Variants in SPDYE21 observed in about 807,000 individuals in gnomAD.
The protein encoded by SPDYE21 is speedy/RINGO cell cycle regulator family member E21, also known as speedy protein E21.
SPDYE21 carries 14 observed loss-of-function variants against 36.2 expected under a neutral mutation model. That is an observed-to-expected ratio of 0.39 (90% confidence interval 0.26 to 0.61). The LOEUF (loss-of-function observed/expected upper bound fraction) is 0.61. SPDYE21 is among the 20% of genes least tolerant of loss of function. The pLI is 0.55. For synonymous variants in SPDYE21, 58 were observed against 155.1 expected (o/e 0.37, Z 4.65); for missense variants, 233 against 424.6 (o/e 0.55, Z 3.97).
rs199949880 is a variant in SPDYE21, at chr7:67,278,841, A to G, written c.128A>G (p.Glu43Gly). 0.062 allele frequency among the ~76,000 whole-genome samples: 9,418 copies of G among 151,314 alleles called. 359 individuals carry two copies. Among genetic ancestry groups the G allele is most frequent in the Admixed American group, 0.088 (1,342 of 15,164 alleles). ...AGCACCTCGGGGTACCCCCTCCAGG[A>G]GGTGGTGGATGATGAAGTGTTGGGA... is the stretch of plus-strand genomic sequence containing the variant. ...QRSTSGYPLQ[E>G]VVDDEVLGPS... Residue 43 changes from glutamate to glycine, a missense_variant, in exon 2 of 9, where the codon GAG becomes GGG. This residue lies in a region of SPDYE21 where 68 missense variants were observed against 87.6 expected (regional missense o/e 0.78). Coordinates refer to ENST00000424157, the MANE Select transcript of SPDYE21 (RefSeq NM_001382715.2).
rs1802725023 is a variant in SPDYE21, at chr7:67,286,041, C to T, written c.756-3C>T. ...TGAGCAGCAACCTGATTTCTATCCT[C>T]AGCTACCTGGCCAATGACATGGAGG... On this transcript the variant is annotated splice_polypyrimidine_tract_variant and splice_region_variant and intron_variant, in intron 6 of 8. Coordinates refer to ENST00000424157, the MANE Select transcript of SPDYE21 (RefSeq NM_001382715.2). 1 of 1,612,936 alleles carries T rather than the reference C, an allele frequency of 6.2e-7. No homozygotes were observed. The highest frequency in any genetic ancestry group is 8.5e-7 in the Non-Finnish European group (1 of 1,179,982).
intron 6 of SPDYE21, among the ~76,000 whole-genome samples, chr7:67,285,544 G>T (rs62466360): frequency 9.3e-5 from 14 of 150,794 alleles, no homozygotes; most frequent in African/African-American, 2.4e-4. Context: ...GGTGTGCCAC[G>T]GCACCAGGCT....
intron 1 of SPDYE21, among the ~76,000 whole-genome samples, chr7:67,277,521 T>G (rs1802560819): frequency 6.6e-6 from 1 of 152,146 alleles, no homozygotes; most frequent in Non-Finnish European, 1.5e-5. Context: ...GCTCAAGTGA[T>G]CTTCCTGTCA....
At chr7:67,286,782 C>T (rs1386988524) in intron 8 of SPDYE21, among the ~76,000 whole-genome samples, 118 bp downstream of exon 8, 1 of 151,984 alleles carries the variant, frequency 6.6e-6, no homozygotes, top group Non-Finnish European at 1.5e-5. Context: ...CCCCTCTCCA[C>T]AAAAATACAA....
intron 6 of SPDYE21, 108 bp from the exon 7 acceptor site, chr7:67,285,936 C>T: frequency 6.3e-7 from 1 of 1,586,546 alleles, no homozygotes; most frequent in Non-Finnish European, 8.6e-7. Flanking sequence ...GGGTGGGTGC[C>T]AGTCCTGAGC....
Position 67,286,149 on chromosome 7 carries a change from T to G in SPDYE21, c.861T>G (p.Arg287=). 2 of 1,612,214 alleles carry G rather than the reference T, an allele frequency of 1.2e-6. No individual in the cohort carries two copies. The highest frequency in any genetic ancestry group is 1.7e-6 in the Non-Finnish European group (2 of 1,179,634). Residue 287 remains arginine (R), a synonymous_variant, in exon 7 of 9, where the codon CGT becomes CGG. Transcript: ENST00000424157. ...CTCGCATACCCTTGCTCCGTAAGCG[T>G]TGGTTCCAGTTAGGCCGTTCCATGA... The part of the protein sequence containing the change: ...TRSRIPLLRK[R]WFQLGRSMNP...
At chr7:67,285,423 C>T (rs1460705924) in intron 6 of SPDYE21, among the ~76,000 whole-genome samples, 2 of 151,662 alleles carry the variant, frequency 1.3e-5, no homozygotes, top group Non-Finnish European at 1.5e-5. Context: ...CAGAGTCTTG[C>T]TCTGCCTCTC....
chr7:67,277,142 A>G (rs1431458423), intron 1 of SPDYE21, among the ~76,000 whole-genome samples, 80 bp downstream of exon 1: 3 of 152,022 alleles, frequency 2.0e-5, no homozygotes, highest in Non-Finnish European at 2.9e-5. Context: ...GCTCCCTGCA[A>G]CCTGCGCACC....
At chr7:67,281,051 C>T (rs1255354192) in intron 3 of SPDYE21, among the ~76,000 whole-genome samples, 16 of 135,678 alleles carry the variant, frequency 1.2e-4, no homozygotes, top group African/African-American at 4.2e-4. Context: ...CACTACACTC[C>T]AGCCTAGGCC....
At chr7:67,280,671 G>C (rs1405033721) in intron 3 of SPDYE21, among the ~76,000 whole-genome samples, 1 of 105,730 alleles carries the variant, frequency 9.5e-6, no homozygotes, top group African/African-American at 3.5e-5. Flanking sequence ...CATTCTGGGT[G>C]AGAGAGTGAG....
Position 67,285,381 on chromosome 7 carries a change from A to AGTTT in SPDYE21, c.756-642_756-639dup, listed in dbSNP as rs370179177. 8.2e-4 allele frequency among the ~76,000 whole-genome samples: 121 copies of AGTTT among 147,006 alleles called. 1 individual carries two copies. The highest frequency in any genetic ancestry group is 2.7e-3 in the African/African-American group (108 of 39,972). ...CAGGGCTGTGCCACCACACCTGGAC[A>AGTTT]GTTTGTTTGTTTGTTTGTTTGTTTA... On this transcript the variant is annotated intron_variant, in intron 6 of 8. Coordinates refer to ENST00000424157, the MANE Select transcript of SPDYE21 (RefSeq NM_001382715.2).
rs1387387997 is a variant in SPDYE21 at position 67,278,838 on chromosome 7, A to G, written c.125A>G (p.Gln42Arg). The change falls in exon 2 of 9, where the codon CAG becomes CGG. Residue 42 changes from glutamine to arginine, a missense_variant. This residue lies in a region of SPDYE21 where 68 missense variants were observed against 87.6 expected (regional missense o/e 0.78). Transcript: ENST00000424157. ...CGGAGCACCTCGGGGTACCCCCTCC[A>G]GGAGGTGGTGGATGATGAAGTGTTG... ...PQRSTSGYPLQEVVDDEVLGP... is the reference protein window; with the variant it reads ...PQRSTSGYPLREVVDDEVLGP... 6.6e-6 allele frequency among the ~76,000 whole-genome samples: 1 copy of G among 151,626 alleles called. No homozygotes were observed. Among genetic ancestry groups the G allele is most frequent in the African/African-American group, 2.4e-5 (1 of 41,296 alleles).
At chr7:67,287,132 G>T (rs1443532911) in intron 8 of SPDYE21, among the ~76,000 whole-genome samples, 2 of 152,200 alleles carry the variant, frequency 1.3e-5, no homozygotes, top group Non-Finnish European at 2.9e-5. Context: ...CTCGTGGTTC[G>T]TGATGTTGTC....
intron 3 of SPDYE21, among the ~76,000 whole-genome samples, chr7:67,281,099 CAAAAAAAAAAAAAAAAAA>C (rs3972832): frequency 1.1e-4 from 5 of 43,762 alleles, no homozygotes; most frequent in African/African-American, 4.3e-4. Flanking sequence ...ACAACAACAA[CAAAAAAAAAAAAAAAAAA>C]AAAAAAAGGG....
At chr7:67,282,435 C>T (rs1396583879) in intron 4 of SPDYE21, among the ~76,000 whole-genome samples, 200 bp from the exon 5 acceptor site, 1 of 150,816 alleles carries the variant, frequency 6.6e-6, no homozygotes, top group Non-Finnish European at 1.5e-5. Context: ...CCAGGGCCTC[C>T]TTCGGCCTCT....
chr7:67,281,104 A>G (rs1171671442), intron 3 of SPDYE21, among the ~76,000 whole-genome samples: 1 of 115,930 alleles, frequency 8.6e-6, no homozygotes, highest in East Asian at 3.8e-4. Flanking sequence ...AACAACAAAA[A>G]AAAAAAAAAA....
At chr7:67,278,995 TGAGG>T (rs1802587756) in intron 2 of SPDYE21, among the ~76,000 whole-genome samples, 122 bp downstream of exon 2, 1 of 151,754 alleles carries the variant, frequency 6.6e-6, no homozygotes, top group African/African-American at 2.4e-5. Context: ...GCGGATCACC[TGAGG>T]TCAGGAGTTC....
chr7:67,277,595 T>G (rs1448171694), intron 1 of SPDYE21, among the ~76,000 whole-genome samples: 1 of 151,850 alleles, frequency 6.6e-6, no homozygotes, highest in Non-Finnish European at 1.5e-5. Context: ...TTTGGTTTGG[T>G]TTTGTTTTTT....
chr7:67,283,673 A>G (rs866618606), intron 5 of SPDYE21, among the ~76,000 whole-genome samples: 1 of 151,706 alleles, frequency 6.6e-6, no homozygotes, highest in East Asian at 1.9e-4. Flanking sequence ...CCCTCCAAAG[A>G]TCCCATCGGA....
Sources: gnomAD v4.1 joint callset for allele counts (sites outside exome capture counted in the v4.1 genomes callset) on GRCh38, gnomAD v4.1.1 for gene constraint, gnomAD v4.1.1 regional missense constraint, MANE v1.5 for transcripts, NCBI Gene and HGNC (gene_info 2026-07-23, HGNC 2026-07-21) for gene names.